CSMD1: variants seen among roughly 807,000 people sequenced by gnomAD.
CSMD1 encodes the protein CUB and Sushi multiple domains 1.
A neutral mutation model predicts 417.5 loss-of-function variants in CSMD1; 213 were observed. The ratio of observed to expected loss-of-function variants is 0.51; its 90% CI spans 0.46 to 0.57. The LOEUF is 0.57. CSMD1 is among the 20% of genes least tolerant of loss of function. The probability of loss-of-function intolerance (pLI) is 0.00; values close to 1 mark genes in which losing one functional copy is unlikely to be tolerated. For missense variants in CSMD1, 6,923 were observed against 4,529.7 expected (o/e 1.53, Z -15.17); for synonymous variants, 2,862 against 1,736.8 (o/e 1.65, Z -16.11).
intron 12 of CSMD1, among the ~76,000 whole-genome samples, chr8:3,424,324 C>A (rs947212664): frequency 6.6e-6 from 1 of 152,176 alleles, no homozygotes; most frequent in Non-Finnish European, 1.5e-5. Flanking sequence ...TACAATCTGA[C>A]TTAATAATCT....
intron 23 of CSMD1, among the ~76,000 whole-genome samples, chr8:3,317,207 G>A (rs1234763334): frequency 2.0e-5 from 3 of 152,112 alleles, no homozygotes; most frequent in Admixed American, 6.5e-5. Flanking sequence ...CAGATCCCCT[G>A]TATTAACCCA....
At chr8:3,677,143 C>T (rs1253033306) in intron 7 of CSMD1, among the ~76,000 whole-genome samples, 1 of 151,996 alleles carries the variant, frequency 6.6e-6, no homozygotes, top group African/African-American at 2.4e-5. Flanking sequence ...ACATTCTGCA[C>T]ATGTAACCCA....
rs1797714520 is a variant in CSMD1 at position 4,548,164 on chromosome 8, A to C, written c.302+89178T>G. On this transcript the variant is annotated intron_variant, in intron 2 of 69. Transcript: ENST00000635120. ...TGGTACCGAATGTCTAGGATTGGAG[A>C]CTCCTACAAGAGCTTATGTTGGGCC... Among the ~76,000 whole-genome samples, 3 of 152,182 alleles carry C rather than the reference A, an allele frequency of 2.0e-5. No homozygotes were observed. In the South Asian group the frequency reaches 6.2e-4, roughly 32 times the overall value.
At chr8:3,126,554 G>A (rs146905956) in intron 41 of CSMD1, among the ~76,000 whole-genome samples, 1 of 152,160 alleles carries the variant, frequency 6.6e-6, no homozygotes, top group African/African-American at 2.4e-5. Flanking sequence ...TGTCAGCCAT[G>A]AATGGTAGTC....
chr8:3,675,781 A>C (rs1056820203), intron 7 of CSMD1, among the ~76,000 whole-genome samples: 5 of 152,204 alleles, frequency 3.3e-5, no homozygotes, highest in Admixed American at 2.6e-4. Flanking sequence ...CTGTTGTTTA[A>C]GCTGCCCAGT....
chr8:4,635,880 G>T (rs553204518), intron 2 of CSMD1, among the ~76,000 whole-genome samples: 1 of 151,894 alleles, frequency 6.6e-6, no homozygotes, highest in Non-Finnish European at 1.5e-5. Flanking sequence ...AAAAGAGACG[G>T]CCATTCTACT....
chr8:3,237,488 A>G (rs1219828601), intron 26 of CSMD1, among the ~76,000 whole-genome samples: 1 of 148,874 alleles, frequency 6.7e-6, no homozygotes, highest in Non-Finnish European at 1.5e-5. Context: ...ACAACTTTGC[A>G]TATAAATAAA....
At chr8:3,660,016 T>C (rs1478366284) in intron 7 of CSMD1, among the ~76,000 whole-genome samples, 1 of 152,226 alleles carries the variant, frequency 6.6e-6, no homozygotes, top group Non-Finnish European at 1.5e-5. Context: ...ACGTATCTAA[T>C]CGCCAAGCTT....
At chr8:3,485,538 CAG>C (rs55757538) in intron 11 of CSMD1, among the ~76,000 whole-genome samples, 4,319 of 134,806 alleles carry the variant, frequency 0.032, 220 homozygotes, top group East Asian at 0.17. Flanking sequence ...CACACACACA[CAG>C]AGAGAGAGAG....
rs149680039 is a variant in CSMD1, at chr8:4,038,612, G to T, written c.416-6513C>A. Among the ~76,000 whole-genome samples the T allele has an allele frequency of 1.5e-3, 233 of 152,322 alleles. 1 individual carries two copies. Among genetic ancestry groups the T allele is most frequent in the Non-Finnish European group, 2.0e-3 (135 of 68,030 alleles). On this transcript the variant is annotated intron_variant, in intron 3 of 69. Coordinates refer to ENST00000635120, the MANE Select transcript of CSMD1 (RefSeq NM_033225.6). ...GTAATGAATACACATGAAGAATTTA[G>T]TAAATACCTACTGAGTTGACATAAA...
At chr8:2,994,086 C>A (rs1349371517) in intron 54 of CSMD1, among the ~76,000 whole-genome samples, 2 of 123,646 alleles carry the variant, frequency 1.6e-5, no homozygotes, top group Admixed American at 1.0e-4. Context: ...GCGGAAGTTG[C>A]AGTGAGCTGA....
At chr8:3,117,912 T>C (rs761318641) in intron 42 of CSMD1, among the ~76,000 whole-genome samples, 26 of 152,370 alleles carry the variant, frequency 1.7e-4, no homozygotes, top group Non-Finnish European at 3.5e-4. Context: ...AAATGCTATG[T>C]ACCTTTCAAG....
At chr8:3,323,722 C>T (rs1261064898) in intron 23 of CSMD1, among the ~76,000 whole-genome samples, 1 of 151,548 alleles carries the variant, frequency 6.6e-6, no homozygotes, top group African/African-American at 2.4e-5. Context: ...CACATCCAAC[C>T]CCAGAGACCC....
At chr8:4,783,283 T>G (rs1332375199) in intron 1 of CSMD1, among the ~76,000 whole-genome samples, 2 of 152,110 alleles carry the variant, frequency 1.3e-5, no homozygotes, top group Non-Finnish European at 2.9e-5. Flanking sequence ...AATAATACAC[T>G]CAAAACCACA....
At chr8:3,018,202 A>G (rs1476977427) in intron 52 of CSMD1, among the ~76,000 whole-genome samples, 1 of 152,246 alleles carries the variant, frequency 6.6e-6, no homozygotes, top group Non-Finnish European at 1.5e-5. Context: ...TGTGTGTCCT[A>G]AAACCATGAT....
chr8:4,554,637 G>C (rs935913386), intron 2 of CSMD1, among the ~76,000 whole-genome samples: 4 of 152,130 alleles, frequency 2.6e-5, no homozygotes, highest in Admixed American at 6.5e-5. Context: ...TTATTGCTAA[G>C]TTGCCATAGG....
intron 23 of CSMD1, among the ~76,000 whole-genome samples, chr8:3,335,274 C>T (rs1807181810): frequency 1.3e-5 from 2 of 152,192 alleles, no homozygotes; most frequent in African/African-American, 2.4e-5. Context: ...CTCTCAGTCA[C>T]TGTGATGACC....
intron 1 of CSMD1, among the ~76,000 whole-genome samples, chr8:4,924,820 T>A (rs1806745278): frequency 6.6e-6 from 1 of 151,986 alleles, no homozygotes; most frequent in South Asian, 2.1e-4. Context: ...TTTTCATTTG[T>A]CATATTAAGA....
chr8:4,151,328 A>C (rs1198290511), intron 3 of CSMD1, among the ~76,000 whole-genome samples: 1 of 152,238 alleles, frequency 6.6e-6, no homozygotes, highest in East Asian at 1.9e-4. Context: ...CAATGCTTCA[A>C]GAGATAAATC....
Sources: gnomAD v4.1 joint callset for allele counts (sites outside exome capture counted in the v4.1 genomes callset) on GRCh38, gnomAD v4.1.1 for gene constraint, MANE v1.5 for transcripts, NCBI Gene and HGNC (gene_info 2026-07-23, HGNC 2026-07-21) for gene names.